Variants in SLC5A8 observed in about 807,000 individuals in gnomAD.
SLC5A8 encodes the protein solute carrier family 5 member 8, also known as sodium-coupled monocarboxylate transporter 1.
In SLC5A8, 55 loss-of-function variants were observed where a neutral mutation model predicts 71.9. The ratio of observed to expected loss-of-function variants is 0.77; its 90% CI spans 0.62 to 0.96. The LOEUF is 0.96. Ranked by LOEUF, SLC5A8 falls within the 40% of genes least tolerant of loss-of-function variation. The pLI, the probability that SLC5A8 is intolerant of heterozygous loss-of-function variation, is 0.00. For missense variants in SLC5A8, 701 were observed against 745.3 expected (o/e 0.94, Z 0.69); for synonymous variants, 307 against 276.1 (o/e 1.11, Z -1.11).
chr12:101,189,855 T>C (rs560597791), intron 6 of SLC5A8, among the ~76,000 whole-genome samples: 1 of 152,332 alleles, frequency 6.6e-6, no homozygotes. Flanking sequence ...AACTTACATA[T>C]ACTAGGCCTT....
chr12:101,192,880 C>G (rs900390124), intron 5 of SLC5A8, among the ~76,000 whole-genome samples: 2 of 150,286 alleles, frequency 1.3e-5, no homozygotes, highest in Non-Finnish European at 2.9e-5. Context: ...AAATCACTGT[C>G]TTTCAGTGTC....
intron 13 of SLC5A8, among the ~76,000 whole-genome samples, chr12:101,158,550 G>GTCTCTCTCTCTCTC (rs372186123): frequency 7.4e-4 from 36 of 48,476 alleles, no homozygotes; most frequent in Non-Finnish European, 1.2e-3. Flanking sequence ...ATAAATATGA[G>GTCTCTCTCTCTCTC]TCTCTCTCTC....
rs1168154063 is a variant in SLC5A8, at chr12:101,156,944, ACCCAAATTTAAG to A, written c.*323_*334del. The A allele has an allele frequency of 3.6e-5, 7 of 192,980 alleles. No individual in the cohort carries two copies. The highest frequency in any genetic ancestry group is 7.4e-5 in the Non-Finnish European group (7 of 94,830). 12.0% of individuals were successfully genotyped at this position (192,980 alleles called of 1,614,324 possible). A position where few individuals can be genotyped will look rare whatever the true frequency, so the allele number is the denominator to read the frequency against. Reference sequence around the variant, plus strand: ...AGGCATGGAAAATATTTTCAATAATACCCAAATTTAAGAATATACCTTTGACAATCAAATACA... The same window carrying A: ...AGGCATGGAAAATATTTTCAATAATAAATATACCTTTGACAATCAAATACA... On this transcript the variant is annotated 3_prime_UTR_variant, in exon 15 of 15. Coordinates refer to ENST00000536262, the MANE Select transcript of SLC5A8 (RefSeq NM_145913.5).
chr12:101,166,394 G>T, intron 12 of SLC5A8, 100 bp downstream of exon 12: 1 of 973,568 alleles, frequency 1.0e-6, no homozygotes, highest in Non-Finnish European at 1.5e-6. Flanking sequence ...TCAGAATTAG[G>T]CAAAATCACA....
intron 10 of SLC5A8, among the ~76,000 whole-genome samples, chr12:101,173,465 A>AC (rs1420319142): frequency 6.6e-6 from 1 of 152,042 alleles, no homozygotes; most frequent in East Asian, 1.9e-4. Context: ...AAGCCAGCAC[A>AC]CCCAGGATCA....
intron 3 of SLC5A8, among the ~76,000 whole-genome samples, chr12:101,197,043 C>T (rs193109754): frequency 2.6e-5 from 4 of 152,232 alleles, no homozygotes; most frequent in African/African-American, 4.8e-5. Flanking sequence ...ATAATACTAA[C>T]GATAATGCTA....
chr12:101,204,337 G>A (rs1566326263), intron 2 of SLC5A8, among the ~76,000 whole-genome samples, 163 bp downstream of exon 2: 1 of 152,172 alleles, frequency 6.6e-6, no homozygotes, highest in African/African-American at 2.4e-5. Flanking sequence ...ATGATCTTAA[G>A]GGTTGATGCT....
At chr12:101,190,845 T>C (rs1349230474) in intron 5 of SLC5A8, among the ~76,000 whole-genome samples, 1 of 152,204 alleles carries the variant, frequency 6.6e-6, no homozygotes, top group African/African-American at 2.4e-5. Flanking sequence ...GAAATGAATG[T>C]TGCAATCCTT....
rs146178249 is a variant in SLC5A8 at position 101,202,169 on chromosome 12, T to C, written c.464A>G (p.Asn155Ser). The stretch of plus-strand genomic sequence containing the variant: ...CTGGCAACTCTAAAATGTACCTTGA[T>C]TCAAAGCCAGGGCAGGGGCATAAAT... ...IVIYAPALAL[N>S]QVTGFDLWGA... The change falls in exon 3 of 15, where the codon AAT (asparagine) becomes AGT (serine). Residue 155 changes from asparagine to serine, a missense_variant. By Grantham distance (46) the Asn-to-Ser change is conservative. Coordinates refer to ENST00000536262, the MANE Select transcript of SLC5A8 (RefSeq NM_145913.5). 3 of 1,610,642 alleles carry C rather than the reference T, an allele frequency of 1.9e-6. No homozygotes were observed. The African/African-American group carries it at 4.0e-5, about 22-fold the overall frequency.
Position 101,184,173 on chromosome 12 carries a change from G to C in SLC5A8, c.1013C>G (p.Pro338Arg), listed in dbSNP as rs1188206048. ...LDILQDYPGLPGLFVACAYSG... is the reference protein window; with the variant it reads ...LDILQDYPGLRGLFVACAYSG... ...GTAAGCACAGGCCACAAAAAGTCCAGGAAGTCCTGGATAATCTTGCAGAAT... is the reference window on the plus strand; with the variant it reads ...GTAAGCACAGGCCACAAAAAGTCCACGAAGTCCTGGATAATCTTGCAGAAT... The change falls in exon 8 of 15, where the codon CCT (proline) becomes CGT (arginine). Residue 338 changes from proline (P) to arginine (R), a missense_variant. Transcript: ENST00000536262. 1 of 1,614,162 alleles carries C rather than the reference G, an allele frequency of 6.2e-7. No homozygotes were observed. The highest frequency in any genetic ancestry group is 1.1e-5 in the South Asian group (1 of 91,080).
chr12:101,202,139 C>CCTAA, intron 3 of SLC5A8, 25 bp downstream of exon 3: 2 of 1,610,032 alleles, frequency 1.2e-6, no homozygotes, highest in African/African-American at 2.7e-5. Flanking sequence ...ATGTGAGTTA[C>CCTAA]CTAACTGGCA....
chr12:101,184,444 CT>C (rs1478872707), intron 7 of SLC5A8, among the ~76,000 whole-genome samples: 1 of 152,146 alleles, frequency 6.6e-6, no homozygotes, highest in Admixed American at 6.5e-5. Context: ...ACAGATACGG[CT>C]TTTGTAACTG....
intron 6 of SLC5A8, among the ~76,000 whole-genome samples, chr12:101,189,889 T>C (rs1371034809): frequency 6.6e-6 from 1 of 152,196 alleles, no homozygotes; most frequent in East Asian, 1.9e-4. Context: ...CCAAACACAG[T>C]ATTTTACGAC....
At chr12:101,176,423 C>A (rs1203835400) in intron 10 of SLC5A8, among the ~76,000 whole-genome samples, 1 of 151,998 alleles carries the variant, frequency 6.6e-6, no homozygotes, top group Non-Finnish European at 1.5e-5. Flanking sequence ...AAATCAGCAA[C>A]CATCAACAAA....
At chr12:101,160,910 T>C (rs1421282021) in intron 13 of SLC5A8, among the ~76,000 whole-genome samples, 2 of 151,918 alleles carry the variant, frequency 1.3e-5, no homozygotes, top group South Asian at 4.2e-4. Flanking sequence ...TTATTAAAAA[T>C]AGAAATAAAA....
At position 101,158,306 on chromosome 12, in the gene SLC5A8, G is replaced by A. The variant is rs770177489; in HGVS notation, c.1653C>T (p.Asp551=). 6 of 1,584,878 alleles carry A rather than the reference G, an allele frequency of 3.8e-6. No individual in the cohort carries two copies. The highest frequency in any genetic ancestry group is 3.4e-6 in the Non-Finnish European group (4 of 1,162,984). ...LSTGGRKQNL[D]PRYILTKEDF... ...CCTCTTTGGTTAGTATGTATCTGGG[G>A]TCTAAGTTCTGTTTTCTTCCTCCTG... The change falls in exon 14 of 15, where the codon GAC becomes GAT. Residue 551 remains aspartate (D), a synonymous_variant. Transcript: ENST00000536262.
rs1201508363 is a variant in SLC5A8, at chr12:101,189,113, T to G, written c.833+1355A>C. Among the ~76,000 whole-genome samples the G allele has an allele frequency of 1.2e-4, 18 of 152,206 alleles. 1 individual carries two copies. The highest frequency in any genetic ancestry group is 1.2e-3 in the Admixed American group (18 of 15,278). ...ATCAAGAAAGCTCTAATGCTGCTAT[T>G]TAAGTTATCAAGTCGGGCTTTTTGG... On this transcript the variant is annotated intron_variant, in intron 6 of 14. Coordinates refer to ENST00000536262, the MANE Select transcript of SLC5A8 (RefSeq NM_145913.5).
intron 13 of SLC5A8, among the ~76,000 whole-genome samples, chr12:101,158,598 C>A (rs10860694): frequency 0.073 from 1,399 of 19,158 alleles, 37 homozygotes; most frequent in Middle Eastern, 0.12. Flanking sequence ...CTCTCTCTCT[C>A]TATATATATA....
At chr12:101,180,167 A>G in intron 9 of SLC5A8, 71 bp from the exon 10 acceptor site, 1 of 1,448,672 alleles carries the variant, frequency 6.9e-7, no homozygotes, top group Non-Finnish European at 9.7e-7. Context: ...AGAATAATCC[A>G]CCACACCTTT....
Sources: gnomAD v4.1 joint callset for allele counts (sites outside exome capture counted in the v4.1 genomes callset) on GRCh38, gnomAD v4.1.1 for gene constraint, MANE v1.5 for transcripts, NCBI Gene and HGNC (gene_info 2026-07-23, HGNC 2026-07-21) for gene names.